The following RNF38 variants were observed in gnomAD, a reference collection of about 807,000 sequenced individuals.
RNF38 encodes E3 ubiquitin-protein ligase RNF38.
RNF38 carries 15 observed loss-of-function variants against 67.2 expected under a neutral mutation model. The ratio of observed to expected loss-of-function variants is 0.22; its 90% CI spans 0.15 to 0.34. The LOEUF is 0.34. RNF38 is among the 10% of genes least tolerant of loss of function. The pLI is 1.00. For synonymous variants in RNF38, 220 were observed against 218.8 expected (o/e 1.01, Z -0.05); for missense variants, 524 against 639.9 (o/e 0.82, Z 1.95).
intron 2 of RNF38, among the ~76,000 whole-genome samples, chr9:36,376,926 C>CAAAA (rs34112141): frequency 2.9e-5 from 3 of 102,158 alleles, no homozygotes; most frequent in Middle Eastern, 5.0e-3. Flanking sequence ...GACTCTGTCT[C>CAAAA]AAAAAAAAAA....
In RNF38 at chr9:36,363,873, A is replaced by ATTTTT. The variant is rs558655028; in HGVS notation, c.570+5841_570+5845dup. Among the ~76,000 whole-genome samples the ATTTTT allele has an allele frequency of 8.7e-4, 66 of 76,292 alleles. 11 individuals are homozygous for ATTTTT. In the South Asian group the frequency reaches 0.024, roughly 28 times the overall value. The allele number at this position is 76,292 out of a possible 152,430, so 50.1% of individuals were successfully genotyped here. A position where few individuals can be genotyped will look rare whatever the true frequency, so the allele number is the denominator to read the frequency against. On this transcript the variant is annotated intron_variant, in intron 4 of 11. Transcript: ENST00000259605. ...ACTGCATGGGTCTACTTATATGCAGATTTTTTTTTTTTTTTTTTTGGAGGT... is the reference window on the plus strand; with the variant it reads ...ACTGCATGGGTCTACTTATATGCAGATTTTTTTTTTTTTTTTTTTTTTTTGGAGGT...
At chr9:36,390,216 A>G (rs1455506021) in intron 2 of RNF38, among the ~76,000 whole-genome samples, 1 of 152,230 alleles carries the variant, frequency 6.6e-6, no homozygotes, top group Non-Finnish European at 1.5e-5. Flanking sequence ...CAAGTGATTT[A>G]AGACCAAAAG....
At chr9:36,373,370 A>T (rs1835535745) in intron 3 of RNF38, among the ~76,000 whole-genome samples, 1 of 152,214 alleles carries the variant, frequency 6.6e-6, no homozygotes, top group African/African-American at 2.4e-5. Flanking sequence ...ACAGTCAAAG[A>T]AAAATACATT....
chr9:36,480,992 GT>G (rs1840245544), intron 1 of RNF38, among the ~76,000 whole-genome samples: 2 of 151,254 alleles, frequency 1.3e-5, no homozygotes, highest in African/African-American at 4.9e-5. Flanking sequence ...AGAAAATGCA[GT>G]GATAGCTTTT....
At chr9:36,390,754 T>C in intron 1 of RNF38, 138 bp from the exon 2 acceptor site, 1 of 925,100 alleles carries the variant, frequency 1.1e-6, no homozygotes, top group African/African-American at 1.7e-5. Flanking sequence ...TAAAAATTAA[T>C]TTTAAACATC....
intron 1 of RNF38, among the ~76,000 whole-genome samples, chr9:36,455,150 C>A (rs1839557532): frequency 6.6e-6 from 1 of 151,986 alleles, no homozygotes; most frequent in African/African-American, 2.4e-5. Flanking sequence ...ACCCCCGCCT[C>A]CCAGGCTCAA....
rs945225591 is a variant in RNF38 at position 36,354,492 on chromosome 9, C to T, written c.910-1161G>A. ...TTTTTATGTATTTACTTATTCTACA[C>T]GTTTCATGTAAATGGAACCAGTTCA... On this transcript the variant is annotated intron_variant, in intron 6 of 11. Transcript: ENST00000259605. 2.6e-5 allele frequency among the ~76,000 whole-genome samples: 4 copies of T among 152,184 alleles called. No homozygotes were observed. The East Asian group carries it at 5.8e-4, about 22-fold the overall frequency.
At chr9:36,354,734 T>C (rs1456783153) in intron 6 of RNF38, among the ~76,000 whole-genome samples, 1 of 152,238 alleles carries the variant, frequency 6.6e-6, no homozygotes, top group Non-Finnish European at 1.5e-5. Context: ...TACATTTGTG[T>C]ACACATTTTC....
In RNF38 at chr9:36,400,089, T is replaced by C. The variant is rs368346091; in HGVS notation, c.12+8A>G. 37 of 1,611,662 alleles carry C rather than the reference T, an allele frequency of 2.3e-5. No individual in the cohort carries two copies. The African/African-American group carries it at 4.7e-4, about 20-fold the overall frequency. ...ATCATTTTTGCAACACAAAGAAAAA[T>C]ACTTTACCTTACAAGCCATACAGAC... On this transcript the variant is annotated splice_region_variant and intron_variant, in intron 1 of 11. Transcript: ENST00000259605.
At chr9:36,455,063 CTT>C (rs373048334) in intron 1 of RNF38, among the ~76,000 whole-genome samples, 1 of 146,730 alleles carries the variant, frequency 6.8e-6, no homozygotes, top group African/African-American at 2.5e-5. Flanking sequence ...AATGCAATCT[CTT>C]TTTTTTTTTT....
intron 6 of RNF38, among the ~76,000 whole-genome samples, chr9:36,354,625 T>A (rs1377533226): frequency 6.6e-6 from 1 of 152,196 alleles, no homozygotes; most frequent in East Asian, 1.9e-4. Flanking sequence ...TATGAGTGAG[T>A]ATTACATTGC....
chr9:36,477,154 T>C (rs1276356644), intron 1 of RNF38, among the ~76,000 whole-genome samples: 1 of 150,506 alleles, frequency 6.6e-6, no homozygotes, highest in Non-Finnish European at 1.5e-5. Context: ...AAACCCCATC[T>C]CTACTAAAAA....
At chr9:36,364,437 AC>A (rs1834797273) in intron 4 of RNF38, among the ~76,000 whole-genome samples, 2 of 152,034 alleles carry the variant, frequency 1.3e-5, no homozygotes, top group African/African-American at 4.8e-5. Flanking sequence ...GGTACCTCTA[AC>A]CCCTGTATTT....
chr9:36,400,857 G>A (rs548772777), upstream of RNF38: 8 of 924,654 alleles, frequency 8.7e-6, no homozygotes, highest in African/African-American at 2.2e-5. Flanking sequence ...CCTCGGCCCC[G>A]TCCCGCAACA....
intron 1 of RNF38, among the ~76,000 whole-genome samples, chr9:36,442,138 C>T (rs1407659537): frequency 1.3e-5 from 2 of 152,168 alleles, no homozygotes; most frequent in Non-Finnish European, 1.5e-5. Context: ...TCACTACCAA[C>T]TCTTGCCAAA....
At chr9:36,480,378 A>C (rs1412140823) in intron 1 of RNF38, among the ~76,000 whole-genome samples, 1 of 152,090 alleles carries the variant, frequency 6.6e-6, no homozygotes, top group East Asian at 1.9e-4. Context: ...TCTGACAATA[A>C]AACAAATTTC....
intron 2 of RNF38, among the ~76,000 whole-genome samples, chr9:36,382,960 A>G (rs1208145449): frequency 1.3e-5 from 2 of 152,218 alleles, no homozygotes; most frequent in African/African-American, 4.8e-5. Flanking sequence ...AATTTTATTC[A>G]TTTTAAATAA....
intron 1 of RNF38, among the ~76,000 whole-genome samples, chr9:36,472,083 AAT>A (rs1840011402): frequency 6.6e-6 from 1 of 152,236 alleles, no homozygotes; most frequent in African/African-American, 2.4e-5. Flanking sequence ...TTTTAATAAA[AAT>A]ATTAGATAAT....
intron 1 of RNF38, among the ~76,000 whole-genome samples, chr9:36,461,703 G>A (rs999102285): frequency 6.6e-6 from 1 of 152,198 alleles, no homozygotes; most frequent in Non-Finnish European, 1.5e-5. Flanking sequence ...AGATGTGCTG[G>A]AAAGGACAAG....
Sources: gnomAD v4.1 joint callset for allele counts (sites outside exome capture counted in the v4.1 genomes callset) on GRCh38, gnomAD v4.1.1 for gene constraint, MANE v1.5 for transcripts, NCBI Gene and HGNC (gene_info 2026-07-23, HGNC 2026-07-21) for gene names.